SFXN4: variants seen among roughly 807,000 people sequenced by gnomAD.
SFXN4 encodes the protein sideroflexin 4.
In SFXN4, 48 loss-of-function variants were observed where a neutral mutation model predicts 54.6. That is an observed-to-expected ratio of 0.88 (90% confidence interval 0.70 to 1.12). The LOEUF (loss-of-function observed/expected upper bound fraction) is 1.12, where lower values mean the gene tolerates loss of function less well. Ranked by LOEUF, SFXN4 falls within the 50% of genes most tolerant of loss-of-function variation. The probability of loss-of-function intolerance (pLI) is 0.00; values close to 1 mark genes in which losing one functional copy is unlikely to be tolerated. For missense variants in SFXN4, 383 were observed against 409.2 expected (o/e 0.94, Z 0.55); for synonymous variants, 130 against 145.5 (o/e 0.89, Z 0.77).
chr10:119,154,318 A>G (rs1294925339), intron 11 of SFXN4, among the ~76,000 whole-genome samples: 2 of 152,210 alleles, frequency 1.3e-5, no homozygotes, highest in African/African-American at 2.4e-5. Flanking sequence ...GCTCCTGTCC[A>G]AGTTTCCAGC....
chr10:119,142,975 G>A (rs1046835697), intron 13 of SFXN4, among the ~76,000 whole-genome samples: 13 of 150,820 alleles, frequency 8.6e-5, no homozygotes, highest in Non-Finnish European at 1.2e-4. Flanking sequence ...CTCGTGATCC[G>A]CCCGCCTCGG....
intron 13 of SFXN4, among the ~76,000 whole-genome samples, chr10:119,142,938 T>G (rs1405091257): frequency 1.3e-5 from 2 of 151,748 alleles, no homozygotes; most frequent in Non-Finnish European, 2.9e-5. Flanking sequence ...TTCACTGTGT[T>G]AGCCAGGATG....
chr10:119,162,456 T>C (rs1227803609), intron 2 of SFXN4, 42 bp from the exon 3 acceptor site: 2 of 1,530,420 alleles, frequency 1.3e-6, no homozygotes, highest in Non-Finnish European at 1.8e-6. Context: ...ATCTCAACAT[T>C]GTTCAGGTTT....
At chr10:119,146,488 G>C in intron 12 of SFXN4, 135 bp from the exon 13 acceptor site, 1 of 504,260 alleles carries the variant, frequency 2.0e-6, no homozygotes, top group Non-Finnish European at 3.5e-6. Flanking sequence ...TGAACACCTG[G>C]ATCAGGGCCT....
At chr10:119,142,856 C>T (rs997214859) in intron 13 of SFXN4, among the ~76,000 whole-genome samples, 3 of 151,382 alleles carry the variant, frequency 2.0e-5, no homozygotes, top group Admixed American at 6.6e-5. Flanking sequence ...CTCAGCCTCT[C>T]GAGTAGCTGG....
At chr10:119,159,661 G>A in intron 6 of SFXN4, 67 bp downstream of exon 6, 2 of 1,531,908 alleles carry the variant, frequency 1.3e-6, no homozygotes, top group Admixed American at 3.3e-5. Flanking sequence ...ACACAGCTGA[G>A]GTTAGGAGGA....
rs144994388 is a variant in SFXN4 at position 119,163,450 on chromosome 10, T to C, written c.177+681A>G. Among the ~76,000 whole-genome samples the C allele has an allele frequency of 2.1e-3, 321 of 152,190 alleles. 1 individual carries two copies. Among genetic ancestry groups the C allele is most frequent in the African/African-American group, 7.3e-3 (302 of 41,536 alleles). On this transcript the variant is annotated intron_variant, in intron 2 of 13. Coordinates refer to ENST00000355697, the MANE Select transcript of SFXN4 (RefSeq NM_213649.2). The stretch of plus-strand genomic sequence containing the variant: ...GTTTCGCTCGTCACGCAGGCTGGAG[T>C]GCAGTGGCAAGATCTCGGCTCACTG...
intron 11 of SFXN4, among the ~76,000 whole-genome samples, chr10:119,151,531 T>C (rs1847069785): frequency 6.6e-6 from 1 of 151,970 alleles, no homozygotes; most frequent in Non-Finnish European, 1.5e-5. Context: ...ATTATTATTT[T>C]TTGAGACAGA....
chr10:119,162,791 T>C (rs1402675545), intron 2 of SFXN4, among the ~76,000 whole-genome samples: 3 of 152,148 alleles, frequency 2.0e-5, no homozygotes, highest in Non-Finnish European at 4.4e-5. Context: ...TTTTTCTTTC[T>C]TTCTTTTCTT....
At chr10:119,152,756 G>C (rs115075139) in intron 11 of SFXN4, among the ~76,000 whole-genome samples, 1 of 151,936 alleles carries the variant, frequency 6.6e-6, no homozygotes, top group African/African-American at 2.4e-5. Flanking sequence ...TATGTTTGGT[G>C]AGCTGAATAA....
At chr10:119,144,855 C>T (rs1176672891) in intron 13 of SFXN4, among the ~76,000 whole-genome samples, 7 of 152,120 alleles carry the variant, frequency 4.6e-5, no homozygotes, top group African/African-American at 1.2e-4. Context: ...CAGTAGCACA[C>T]GTAGCTCATG....
Position 119,146,411 on chromosome 10 carries a change from G to C in SFXN4, c.819-58C>G, listed in dbSNP as rs1043352045. On this transcript the variant is annotated intron_variant, in intron 12 of 13. Coordinates refer to ENST00000355697, the MANE Select transcript of SFXN4 (RefSeq NM_213649.2). ...GTTAAACTATCAGGGCTTATTTTCT[G>C]AACAGCTGAATCAGGGCGTGTGTGT... 3 of 1,042,306 alleles carry C rather than the reference G, an allele frequency of 2.9e-6. No homozygotes were observed. The African/African-American group carries it at 4.9e-5, about 17-fold the overall frequency. The allele number at this position is 1,042,306 out of a possible 1,614,324, so 64.6% of individuals were successfully genotyped here.
chr10:119,145,803 C>T (rs1846768399), intron 13 of SFXN4, among the ~76,000 whole-genome samples: 1 of 152,098 alleles, frequency 6.6e-6, no homozygotes, highest in South Asian at 2.1e-4. Context: ...CCAGGTTGTT[C>T]AAAAGCCAAT....
At chr10:119,143,483 A>G (rs1161437724) in intron 13 of SFXN4, among the ~76,000 whole-genome samples, 2 of 151,716 alleles carry the variant, frequency 1.3e-5, no homozygotes, top group Non-Finnish European at 2.9e-5. Flanking sequence ...CTACAGGCAC[A>G]TACCACCATG....
intron 1 of SFXN4, 55 bp from the exon 2 acceptor site, chr10:119,164,251 T>A: frequency 6.3e-6 from 6 of 959,148 alleles, no homozygotes; most frequent in African/African-American, 1.8e-5. Flanking sequence ...AATAAAGATA[T>A]AAATACTAAC....
At chr10:119,159,645 G>T in intron 6 of SFXN4, 83 bp downstream of exon 6, 1 of 1,444,264 alleles carries the variant, frequency 6.9e-7, no homozygotes, top group Non-Finnish European at 9.8e-7. Flanking sequence ...GTCCGGAGCT[G>T]GAGGGACACA....
intron 10 of SFXN4, among the ~76,000 whole-genome samples, chr10:119,155,872 T>G (rs1847261286): frequency 6.6e-6 from 1 of 152,184 alleles, no homozygotes. Context: ...ACTGCTATGA[T>G]TCCCAAACCC....
chr10:119,164,249 T>A, intron 1 of SFXN4, 53 bp from the exon 2 acceptor site: 1 of 983,286 alleles, frequency 1.0e-6, no homozygotes, highest in African/African-American at 1.7e-5. Context: ...AAAATAAAGA[T>A]ATAAATACTA....
In SFXN4 at chr10:119,160,966, T is replaced by C. The variant is rs770411805; in HGVS notation, c.283A>G (p.Thr95Ala). ...AGGTTGCTGCTGTCGGGATGCACTG[T>C]TGCCTTCAAAAGGAGAGATGCAAGG... ...IQEAWKRSLA[T>A]VHPDSSNLIP... Residue 95 changes from threonine (T) to alanine (A), a missense_variant, in exon 5 of 14, where the codon ACA (threonine) becomes GCA (alanine). Physicochemically the swap from Thr to Ala is moderately conservative, Grantham distance 58 (BLOSUM62 0). Coordinates refer to ENST00000355697, the MANE Select transcript of SFXN4 (RefSeq NM_213649.2). The C allele has an allele frequency of 2.5e-6, 4 of 1,614,176 alleles. No homozygotes were observed. The highest frequency in any genetic ancestry group is 2.2e-5 in the East Asian group (1 of 44,882).
Sources: gnomAD v4.1 joint callset for allele counts (sites outside exome capture counted in the v4.1 genomes callset) on GRCh38, gnomAD v4.1.1 for gene constraint, MANE v1.5 for transcripts, NCBI Gene and HGNC (gene_info 2026-07-23, HGNC 2026-07-21) for gene names.